The following TSPAN18 variants were observed in gnomAD, a reference collection of about 807,000 sequenced individuals.
TSPAN18 encodes the protein tetraspanin-18.
In TSPAN18, 14 loss-of-function variants were observed where a neutral mutation model predicts 27.3. That is an observed-to-expected ratio of 0.51 (90% CI 0.34 to 0.80). The LOEUF (loss-of-function observed/expected upper bound fraction) is 0.80, where lower values mean the gene tolerates loss of function less well. Among genes scored for constraint, TSPAN18 ranks in the 30% least tolerant of loss-of-function variants. The pLI, the probability that TSPAN18 is intolerant of heterozygous loss-of-function variation, is 0.01. For missense variants in TSPAN18, 268 were observed against 323.9 expected (o/e 0.83, Z 1.32); for synonymous variants, 143 against 136.5 (o/e 1.05, Z -0.33).
intron 2 of TSPAN18, among the ~76,000 whole-genome samples, chr11:44,842,267 A>G (rs835784): frequency 0.52 from 79,305 of 152,086 alleles, 20,984 homozygotes; most frequent in East Asian, 0.75. Context: ...CATGGCCACT[A>G]TTAGGTCCCT....
chr11:44,824,411 CT>C (rs1478685117), intron 2 of TSPAN18, among the ~76,000 whole-genome samples: 1 of 152,186 alleles, frequency 6.6e-6, no homozygotes, highest in Non-Finnish European at 1.5e-5. Context: ...ATGTGGTGGC[CT>C]TGATGTCTTT....
intron 2 of TSPAN18, among the ~76,000 whole-genome samples, chr11:44,790,166 CAT>C (rs1491510979): frequency 3.4e-5 from 5 of 148,384 alleles, no homozygotes; most frequent in South Asian, 2.2e-4. Context: ...TGTGTGTGTG[CAT>C]GTGTGTGTGT....
chr11:44,914,722 C>T (rs980902522), intron 5 of TSPAN18, among the ~76,000 whole-genome samples: 1 of 152,166 alleles, frequency 6.6e-6, no homozygotes, highest in Non-Finnish European at 1.5e-5. Context: ...AGCCACAATC[C>T]GCTCTCAGTA....
intron 3 of TSPAN18, among the ~76,000 whole-genome samples, chr11:44,892,904 A>G (rs936145927): frequency 3.9e-5 from 6 of 152,202 alleles, no homozygotes; most frequent in African/African-American, 1.4e-4. Context: ...AAAGTGTATA[A>G]AGCACTTTCA....
chr11:44,798,342 C>T (rs908663090), intron 2 of TSPAN18, among the ~76,000 whole-genome samples: 1 of 151,482 alleles, frequency 6.6e-6, no homozygotes, highest in Non-Finnish European at 1.5e-5. Flanking sequence ...TGGGTACTGT[C>T]ATCACCATCC....
intron 3 of TSPAN18, among the ~76,000 whole-genome samples, chr11:44,872,353 C>A (rs1055531835): frequency 2.0e-5 from 3 of 152,202 alleles, no homozygotes; most frequent in African/African-American, 7.2e-5. Context: ...GGGGTTAGGG[C>A]ATCAACATAT....
intron 2 of TSPAN18, among the ~76,000 whole-genome samples, chr11:44,773,779 A>T (rs1427239814): frequency 6.6e-6 from 1 of 152,128 alleles, no homozygotes; most frequent in Non-Finnish European, 1.5e-5. Context: ...GAATGGATGG[A>T]CACAAGACCA....
At chr11:44,883,643 C>G (rs1858556598) in intron 3 of TSPAN18, among the ~76,000 whole-genome samples, 1 of 152,190 alleles carries the variant, frequency 6.6e-6, no homozygotes, top group Admixed American at 6.5e-5. Context: ...GTAACTTGCT[C>G]AACATCAGAG....
At chr11:44,813,229 G>C (rs1470536234) in intron 2 of TSPAN18, among the ~76,000 whole-genome samples, 2 of 152,214 alleles carry the variant, frequency 1.3e-5, no homozygotes, top group Non-Finnish European at 2.9e-5. Context: ...TGCATGCCCT[G>C]TGCGCAGGAA....
intron 1 of TSPAN18, among the ~76,000 whole-genome samples, chr11:44,758,518 G>T (rs1444965550): frequency 6.6e-6 from 1 of 152,154 alleles, no homozygotes; most frequent in South Asian, 2.1e-4. Context: ...TTCTTTTCTT[G>T]TAAGTGTCTT....
intron 1 of TSPAN18, among the ~76,000 whole-genome samples, chr11:44,751,311 T>A (rs1855205456): frequency 6.6e-6 from 1 of 152,126 alleles, no homozygotes; most frequent in Non-Finnish European, 1.5e-5. Flanking sequence ...GCAGATTTCA[T>A]TTCTTCCTTT....
intron 1 of TSPAN18, among the ~76,000 whole-genome samples, chr11:44,730,007 C>T (rs1465953526): frequency 1.3e-5 from 2 of 152,178 alleles, no homozygotes; most frequent in African/African-American, 4.8e-5. Flanking sequence ...TCTGAGCTAT[C>T]TTGCAACTTA....
intron 1 of TSPAN18, among the ~76,000 whole-genome samples, chr11:44,732,637 A>G (rs1450197740): frequency 2.0e-5 from 3 of 152,126 alleles, no homozygotes; most frequent in African/African-American, 7.2e-5. Context: ...TTTTGGGGAC[A>G]GTGATGAGTA....
At chr11:44,894,811 G>A (rs1858984287) in intron 3 of TSPAN18, among the ~76,000 whole-genome samples, 1 of 152,248 alleles carries the variant, frequency 6.6e-6, no homozygotes, top group Admixed American at 6.5e-5. Context: ...CTGGTTCAGG[G>A]AAGAGCAGCA....
At chr11:44,747,224 TC>T (rs1855100860) in intron 1 of TSPAN18, among the ~76,000 whole-genome samples, 1 of 152,248 alleles carries the variant, frequency 6.6e-6, no homozygotes, top group African/African-American at 2.4e-5. Flanking sequence ...CTTTTCTCCA[TC>T]CTGCCTGCAG....
intron 2 of TSPAN18, among the ~76,000 whole-genome samples, chr11:44,784,581 G>T (rs369147844): frequency 2.0e-5 from 3 of 152,178 alleles, no homozygotes; most frequent in African/African-American, 7.2e-5. Flanking sequence ...ATGCAATACT[G>T]TGGCAGTGTT....
rs527342079 is a variant in TSPAN18, at chr11:44,926,106, C to T, written c.616-568C>T. 4.6e-5 allele frequency among the ~76,000 whole-genome samples: 7 copies of T among 152,260 alleles called. No homozygotes were observed. The South Asian group carries it at 6.2e-4, about 14-fold the overall frequency. ...AAAGCTGCCCGAAGGAGGTGGCATGCGAGCAGGGATTTGAAGGCTGGGCTG... is the reference window on the plus strand; with the variant it reads ...AAAGCTGCCCGAAGGAGGTGGCATGTGAGCAGGGATTTGAAGGCTGGGCTG... On this transcript the variant is annotated intron_variant, in intron 8 of 9. Coordinates refer to ENST00000520358, the MANE Select transcript of TSPAN18 (RefSeq NM_130783.5).
chr11:44,760,271 C>T lies in TSPAN18; in HGVS notation c.-239-4155C>T, dbSNP rs116756507. Among the ~76,000 whole-genome samples, 596 of 152,320 alleles carry T rather than the reference C, an allele frequency of 3.9e-3. 2 individuals carry two copies. Among genetic ancestry groups the T allele is most frequent in the African/African-American group, 0.013 (556 of 41,570 alleles). On this transcript the variant is annotated intron_variant, in intron 1 of 9. Coordinates refer to ENST00000520358, the MANE Select transcript of TSPAN18 (RefSeq NM_130783.5). ...ATGAAGGAGAGGGCAGAGCGGGGAA[C>T]AAAGGCTGCAGGCTGGCAGACCAGC...
At chr11:44,758,410 T>C (rs1855379941) in intron 1 of TSPAN18, among the ~76,000 whole-genome samples, 1 of 152,212 alleles carries the variant, frequency 6.6e-6, no homozygotes, top group Admixed American at 6.5e-5. Flanking sequence ...CACTTGGTCA[T>C]GGTGTATAAT....
Sources: gnomAD v4.1 joint callset for allele counts (sites outside exome capture counted in the v4.1 genomes callset) on GRCh38, gnomAD v4.1.1 for gene constraint, MANE v1.5 for transcripts, NCBI Gene and HGNC (gene_info 2026-07-23, HGNC 2026-07-21) for gene names.